The following NPDC1 variants were observed in gnomAD, a reference collection of about 807,000 sequenced individuals.
The protein encoded by NPDC1 is neural proliferation, differentiation and control 1, also known as neural proliferation differentiation and control protein 1.
NPDC1 carries 18 observed loss-of-function variants against 32.5 expected under a neutral mutation model. The observed-to-expected ratio is 0.55, with a 90% CI of 0.38 to 0.82. NPDC1 has a LOEUF of 0.82. NPDC1 is among the 40% of genes least tolerant of loss of function. The pLI, the probability that NPDC1 is intolerant of heterozygous loss-of-function variation, is 0.00. For synonymous variants in NPDC1, 210 were observed against 184.7 expected (o/e 1.14, Z -1.11); for missense variants, 468 against 406.6 (o/e 1.15, Z -1.30).
At position 137,041,118 on chromosome 9, in the gene NPDC1, T is replaced by A. The variant is rs781530563; in HGVS notation, c.329A>T (p.Glu110Val). The A allele has an allele frequency of 6.6e-7, 1 of 1,521,072 alleles. No individual in the cohort carries two copies. Among genetic ancestry groups the A allele is most frequent in the Non-Finnish European group, 8.8e-7 (1 of 1,136,480 alleles). The allele number at this position is 1,521,072 out of a possible 1,614,324, so 94.2% of individuals were successfully genotyped here. ...DFLAQELARKESGHSTPPLPK... is the reference protein window; with the variant it reads ...DFLAQELARKVSGHSTPPLPK... The stretch of plus-strand genomic sequence containing the variant: ...TAGGGGCGGAGTTGAGTGTCCAGAC[T>A]CCTTCCGGGCAAGCTCCTGGGCCAG... Residue 110 changes from glutamate (E) to valine (V), a missense_variant, in exon 3 of 9, where the codon GAG (glutamate) becomes GTG (valine). Physicochemically the swap from Glu to Val is moderately radical, Grantham distance 121. Transcript: ENST00000371601.
chr9:137,039,563 A>C lies in NPDC1; in HGVS notation c.*209T>G, dbSNP rs1832012698. On this transcript the variant is annotated 3_prime_UTR_variant, in exon 9 of 9. Transcript: ENST00000371601. ...CATGCCCCCTCCAGTTTGGGGGTCTAAACCGAACAGGAGAGGTGCAGGGGA... is the reference window on the plus strand; with the variant it reads ...CATGCCCCCTCCAGTTTGGGGGTCTCAACCGAACAGGAGAGGTGCAGGGGA... 3 of 552,140 alleles carry C rather than the reference A, an allele frequency of 5.4e-6. No homozygotes were observed. In the East Asian group the frequency reaches 9.2e-5, roughly 17 times the overall value. The allele number at this position is 552,140 out of a possible 1,614,324, so 34.2% of individuals were successfully genotyped here. A position where few individuals can be genotyped will look rare whatever the true frequency, so the allele number is the denominator to read the frequency against.
At chr9:137,042,826 G>A (rs1832077666) in intron 2 of NPDC1, 101 bp downstream of exon 2, 1 of 1,422,560 alleles carries the variant, frequency 7.0e-7, no homozygotes. Context: ...CCACAGTGCT[G>A]GGATTACAGG....
At position 137,043,328 on chromosome 9, in the gene NPDC1, A is replaced by G. The variant is rs1436895334; in HGVS notation, c.113-255T>C. On this transcript the variant is annotated intron_variant, in intron 1 of 8. Transcript: ENST00000371601. ...CACTTCCAGGCCTGATAGAGCCCTC[A>G]GCTCAGAAGCTGAGTCTCGCCGTCC... is the stretch of plus-strand genomic sequence containing the variant. The G allele has an allele frequency of 5.6e-6, 4 of 717,540 alleles. No homozygotes were observed. The South Asian group carries it at 5.9e-5, about 11-fold the overall frequency. 44.4% of individuals were successfully genotyped at this position (717,540 alleles called of 1,614,324 possible). A position where few individuals can be genotyped will look rare whatever the true frequency, so the allele number is the denominator to read the frequency against.
At chr9:137,040,485 G>C in intron 6 of NPDC1, 29 bp downstream of exon 6, 3 of 1,581,410 alleles carry the variant, frequency 1.9e-6, no homozygotes, top group South Asian at 1.2e-5. Context: ...AGTTGGGCGG[G>C]AGCCTCAGGG....
intron 2 of NPDC1, among the ~76,000 whole-genome samples, chr9:137,042,717 A>G (rs531898919): frequency 3.3e-5 from 5 of 150,088 alleles, no homozygotes; most frequent in African/African-American, 9.9e-5. Context: ...GTGCCACCAC[A>G]CCCGGCTACT....
intron 2 of NPDC1, 26 bp downstream of exon 2, chr9:137,042,901 A>T: frequency 6.4e-7 from 1 of 1,569,596 alleles, no homozygotes. Flanking sequence ...ACATCCCCCC[A>T]TCGACTTCCC....
At chr9:137,040,322 T>TGGGGGGGGGGGG in intron 7 of NPDC1, 35 bp downstream of exon 7, 1 of 807,722 alleles carries the variant, frequency 1.2e-6, no homozygotes, top group Non-Finnish European at 1.5e-6. Context: ...GGGGGGTGGG[T>TGGGGGGGGGGGG]GGGTGGGGGT....
chr9:137,041,177 C>G lies in NPDC1; in HGVS notation c.270G>C (p.Arg90=). 1 of 1,441,036 alleles carries G rather than the reference C, an allele frequency of 6.9e-7. No homozygotes were observed. Among genetic ancestry groups the G allele is most frequent in the South Asian group, 1.5e-5 (1 of 64,980 alleles). The allele number at this position is 1,441,036 out of a possible 1,614,324, so 89.3% of individuals were successfully genotyped here. Residue 90 remains arginine, a synonymous_variant, in exon 3 of 9, where the codon CGG becomes CGC. Transcript: ENST00000371601. The stretch of plus-strand genomic sequence containing the variant: ...TCTCATCTTCCAGTCTGGGCTGGGG[C>G]CGGCCCCCGCCTGGGGAGGGTGAGG... ...PRMRRPPGGG[R]PQPRLEDEID... is the part of the protein sequence containing the mutation.
chr9:137,041,041 CA>C lies in NPDC1; in HGVS notation c.385+20del, dbSNP rs1307363789. Reference sequence around the variant, plus strand: ...CTGGGCTAGGGACAGGGCCGTGGGGCAGGGGAAGCGGGGGTCTCACCAGGCT... The same window carrying C: ...CTGGGCTAGGGACAGGGCCGTGGGGCGGGGAAGCGGGGGTCTCACCAGGCT... On this transcript the variant is annotated intron_variant, in intron 3 of 8. Coordinates refer to ENST00000371601, the MANE Select transcript of NPDC1 (RefSeq NM_015392.4). 1 of 1,518,786 alleles carries C rather than the reference CA, an allele frequency of 6.6e-7. No individual in the cohort carries two copies. The allele number at this position is 1,518,786 out of a possible 1,614,324, so 94.1% of individuals were successfully genotyped here. A position where few individuals can be genotyped will look rare whatever the true frequency, so the allele number is the denominator to read the frequency against.
In NPDC1 at chr9:137,039,956, C is replaced by G; in HGVS notation, c.885+15G>C. On this transcript the variant is annotated intron_variant, in intron 8 of 8. Coordinates refer to ENST00000371601, the MANE Select transcript of NPDC1 (RefSeq NM_015392.4). ...AGGAGATGGTTCGCCCCTCCCTGCA[C>G]CCTGAGGCACTCACCGGGGCCAGGC... 1 of 779,020 alleles carries G rather than the reference C, an allele frequency of 1.3e-6. No homozygotes were observed. The highest frequency in any genetic ancestry group is 2.4e-5 in the East Asian group (1 of 41,226). 48.3% of individuals were successfully genotyped at this position (779,020 alleles called of 1,614,324 possible).
chr9:137,041,160 T>C lies in NPDC1; in HGVS notation c.287A>G (p.Glu96Gly). The change falls in exon 3 of 9, where the codon GAA becomes GGA. Residue 96 changes from glutamate to glycine, a missense_variant. Transcript: ENST00000371601. ...CTGGGCCAGGAAGTCAATCTCATCT[T>C]CCAGTCTGGGCTGGGGCCGGCCCCC... Reference protein sequence around the residue: ...PGGGRPQPRLEDEIDFLAQEL... With the variant: ...PGGGRPQPRLGDEIDFLAQEL... The C allele has an allele frequency of 1.4e-6, 2 of 1,479,268 alleles. No individual in the cohort carries two copies. The highest frequency in any genetic ancestry group is 2.7e-5 in the Admixed American group (1 of 37,524). The allele number at this position is 1,479,268 out of a possible 1,614,324, so 91.6% of individuals were successfully genotyped here.
At chr9:137,040,304 G>A in intron 7 of NPDC1, 53 bp downstream of exon 7, 5 of 1,478,192 alleles carry the variant, frequency 3.4e-6, no homozygotes, top group Middle Eastern at 2.4e-4. Context: ...GGAGGTGGAG[G>A]TGGGGATGGG....
In NPDC1 at chr9:137,045,864, G is replaced by T; in HGVS notation, c.112+14C>A. 9.7e-7 allele frequency: 1 copy of T among 1,029,060 alleles called. No homozygotes were observed. Among genetic ancestry groups the T allele is most frequent in the Non-Finnish European group, 1.2e-6 (1 of 859,980 alleles). The allele number at this position is 1,029,060 out of a possible 1,614,324, so 63.7% of individuals were successfully genotyped here. On this transcript the variant is annotated intron_variant, in intron 1 of 8. Coordinates refer to ENST00000371601, the MANE Select transcript of NPDC1 (RefSeq NM_015392.4). ...CGGGGCGCCCCGCGGCCTGCGCCCA[G>T]CGCGCTCGCTCACCCGGGTGGCCGG...
chr9:137,045,674 C>A (rs1273921916), intron 1 of NPDC1, among the ~76,000 whole-genome samples: 1 of 152,200 alleles, frequency 6.6e-6, no homozygotes, highest in East Asian at 1.9e-4. Context: ...CCGGCGCGGC[C>A]TTTTGGAGGC....
chr9:137,044,664 G>A (rs544101036), intron 1 of NPDC1, among the ~76,000 whole-genome samples: 16 of 152,348 alleles, frequency 1.1e-4, no homozygotes, highest in African/African-American at 3.6e-4. Context: ...AATGGGAGGA[G>A]TTGCCTAGGG....
In NPDC1 at chr9:137,045,114, C is replaced by T. The variant is rs369170174; in HGVS notation, c.112+764G>A. On this transcript the variant is annotated intron_variant, in intron 1 of 8. Transcript: ENST00000371601. ...CCCCAGAAAAACGTCAGCTTTGCATCCTGGGTTCCTGCAGGGAGCTCTGCT... is the reference window on the plus strand; with the variant it reads ...CCCCAGAAAAACGTCAGCTTTGCATTCTGGGTTCCTGCAGGGAGCTCTGCT... Among the ~76,000 whole-genome samples the T allele has an allele frequency of 1.1e-3, 173 of 152,366 alleles. 2 individuals are homozygous for T. The highest frequency in any genetic ancestry group is 4.0e-3 in the African/African-American group (168 of 41,598).
chr9:137,043,455 G>C lies in NPDC1; in HGVS notation c.113-382C>G, dbSNP rs1213094949. 1.4e-5 allele frequency: 9 copies of C among 635,290 alleles called. No homozygotes were observed. In the Admixed American group the frequency reaches 2.3e-4, roughly 16 times the overall value. 39.4% of individuals were successfully genotyped at this position (635,290 alleles called of 1,614,324 possible). On this transcript the variant is annotated intron_variant, in intron 1 of 8. Coordinates refer to ENST00000371601, the MANE Select transcript of NPDC1 (RefSeq NM_015392.4). ...AAGCCAGGAACCCCGTCCAGATTGG[G>C]AGTCCCAGAGGGAAGGGCCCAGGTC...
At chr9:137,040,334 G>A (rs1832026973) in intron 7 of NPDC1, 23 bp downstream of exon 7, 1 of 1,529,000 alleles carries the variant, frequency 6.5e-7, no homozygotes, top group East Asian at 2.5e-5. Flanking sequence ...GGTGGGGGTG[G>A]CAGTGCCGGG....
chr9:137,044,826 T>C (rs563908028), intron 1 of NPDC1, among the ~76,000 whole-genome samples: 1 of 152,160 alleles, frequency 6.6e-6, no homozygotes, highest in Non-Finnish European at 1.5e-5. Flanking sequence ...CTGAGCACAC[T>C]CTGATTCTCG....
Sources: allele counts gnomAD v4.1 joint callset (sites outside exome capture counted in the v4.1 genomes callset), GRCh38; gene constraint gnomAD v4.1.1; transcripts MANE v1.5; gene names NCBI Gene and HGNC (gene_info 2026-07-23, HGNC 2026-07-21).